Variants in CRHR2 observed in about 807,000 individuals in gnomAD.
CRHR2 encodes the protein corticotropin-releasing hormone receptor 2.
In CRHR2, 53 loss-of-function variants were observed where a neutral mutation model predicts 57.9. The observed-to-expected ratio is 0.92, with a 90% CI of 0.73 to 1.15. The LOEUF is 1.15. Among genes scored for constraint, CRHR2 ranks in the 50% most tolerant of loss-of-function variants. The pLI, the probability that CRHR2 is intolerant of heterozygous loss-of-function variation, is 0.00. For missense variants in CRHR2, 532 were observed against 542.6 expected (o/e 0.98, Z 0.19); for synonymous variants, 213 against 220.9 (o/e 0.96, Z 0.32).
rs1203679698 is a variant in CRHR2 at position 30,671,826 on chromosome 7, A to ATGG, written c.230-4514_230-4513insCCA. ...TGTGATGATGATGATGATGATGATG[A>ATGG]TGATGATGATGATGATAATGATGAT... On this transcript the variant is annotated intron_variant, in intron 2 of 11. Transcript: ENST00000471646. 5.4e-4 allele frequency among the ~76,000 whole-genome samples: 81 copies of ATGG among 149,038 alleles called. 1 individual carries two copies. The South Asian group carries it at 0.013, about 25-fold the overall frequency.
chr7:30,657,731 A>G (rs921549680), intron 8 of CRHR2, among the ~76,000 whole-genome samples: 1 of 152,110 alleles, frequency 6.6e-6, no homozygotes, highest in East Asian at 1.9e-4. Context: ...CCTACCAACC[A>G]GTTCATTCAT....
At chr7:30,687,959 T>C (rs1396265095) in intron 2 of CRHR2, among the ~76,000 whole-genome samples, 1 of 152,184 alleles carries the variant, frequency 6.6e-6, no homozygotes, top group Non-Finnish European at 1.5e-5. Flanking sequence ...CTTAGATCCA[T>C]TGCTAAACAG....
rs2270006 is a variant in CRHR2, at chr7:30,660,131, G to A, written c.831+442C>T. 3.2e-3 allele frequency among the ~76,000 whole-genome samples: 492 copies of A among 152,356 alleles called. 17 individuals are homozygous for A. The East Asian group carries it at 0.067, about 21-fold the overall frequency. On this transcript the variant is annotated intron_variant, in intron 8 of 11. Transcript: ENST00000471646. ...ACAATTCCTCATTATGCTGCATCCC[G>A]GTATTCACCGCTTCAGGCTGGGGGT...
intron 2 of CRHR2, among the ~76,000 whole-genome samples, chr7:30,670,724 G>A (rs896746500): frequency 5.9e-5 from 9 of 152,210 alleles, no homozygotes; most frequent in African/African-American, 9.7e-5. Flanking sequence ...AAACGTAGAC[G>A]GATGGGCACA....
At chr7:30,676,377 G>T (rs545998132) in intron 2 of CRHR2, among the ~76,000 whole-genome samples, 4 of 152,164 alleles carry the variant, frequency 2.6e-5, no homozygotes, top group Non-Finnish European at 5.9e-5. Context: ...ATAGAGTCAG[G>T]GGGGATCAGG....
At chr7:30,699,998 G>A (rs574730265) in exon 1 of CRHR2, 11 of 1,457,240 alleles carry the variant, frequency 7.5e-6, no homozygotes, top group South Asian at 2.8e-5. Context: ...GGTGTGGGAC[G>A]TAGAGGAGGC....
At chr7:30,673,538 GA>G (rs1784429141) in intron 2 of CRHR2, among the ~76,000 whole-genome samples, 1 of 152,106 alleles carries the variant, frequency 6.6e-6, no homozygotes, top group African/African-American at 2.4e-5. Context: ...CTTTCTGTGG[GA>G]AAAACCTCTC....
chr7:30,694,676 C>T (rs114253382), intron 1 of CRHR2, among the ~76,000 whole-genome samples: 1 of 152,096 alleles, frequency 6.6e-6, no homozygotes, highest in African/African-American at 2.4e-5. Flanking sequence ...GGAGGGGCAG[C>T]ATTCCACCCC....
intron 11 of CRHR2, among the ~76,000 whole-genome samples, chr7:30,654,281 G>T (rs947797621): frequency 6.6e-6 from 1 of 152,152 alleles, no homozygotes; most frequent in Non-Finnish European, 1.5e-5. Context: ...TCCCTTGTTT[G>T]TTTGCCTTAC....
chr7:30,678,123 G>A (rs1372864200), intron 2 of CRHR2, among the ~76,000 whole-genome samples: 1 of 152,168 alleles, frequency 6.6e-6, no homozygotes, highest in Non-Finnish European at 1.5e-5. Flanking sequence ...TTCTTGGCTT[G>A]GGGCCCCAAA....
chr7:30,658,911 G>C (rs1227582094), intron 8 of CRHR2, among the ~76,000 whole-genome samples: 1 of 152,216 alleles, frequency 6.6e-6, no homozygotes, highest in Non-Finnish European at 1.5e-5. Context: ...GGGATGGCAG[G>C]AACACCAAAC....
chr7:30,677,451 C>A (rs909345755), intron 2 of CRHR2, among the ~76,000 whole-genome samples: 1 of 152,198 alleles, frequency 6.6e-6, no homozygotes, highest in Non-Finnish European at 1.5e-5. Flanking sequence ...TTTCGGCCTA[C>A]AGACAGGGAG....
At chr7:30,690,870 T>G (rs535579756) in intron 1 of CRHR2, among the ~76,000 whole-genome samples, 2 of 152,252 alleles carry the variant, frequency 1.3e-5, no homozygotes, top group African/African-American at 4.8e-5. Context: ...GAGAGGGAAA[T>G]GCAGGGGAGC....
Position 30,662,235 on chromosome 7 carries a change from TGG to T in CRHR2, c.698-21_698-20del. 1 of 1,613,980 alleles carries T rather than the reference TGG, an allele frequency of 6.2e-7. No homozygotes were observed. Among genetic ancestry groups the T allele is most frequent in the Non-Finnish European group, 8.5e-7 (1 of 1,179,916 alleles). On this transcript the variant is annotated intron_variant, in intron 6 of 11. Coordinates refer to ENST00000471646, the MANE Select transcript of CRHR2 (RefSeq NM_001883.5). ...GGGATGCCTGAAAGAAGGAAAGACT[TGG>T]GCTGCAGGGGACAGATGGACAGGGA...
rs771330185 is a variant in CRHR2 at position 30,656,178 on chromosome 7, C to T, written c.832-166G>A. Among the ~76,000 whole-genome samples, 34 of 151,954 alleles carry T rather than the reference C, an allele frequency of 2.2e-4. No individual in the cohort carries two copies. The highest frequency in any genetic ancestry group is 4.3e-4 in the Non-Finnish European group (29 of 67,960). On this transcript the variant is annotated intron_variant, in intron 8 of 11. Transcript: ENST00000471646. This position sits in a 1 kb window ranked among gnomAD's most constrained non-coding sequence, Gnocchi z 4.4. ...CTGCCAGCATCCCAAGGCCTGTGCTCCTCCCTCGCCAGGATGGGGAGACAG... is the reference window on the plus strand; with the variant it reads ...CTGCCAGCATCCCAAGGCCTGTGCTTCTCCCTCGCCAGGATGGGGAGACAG...
Position 30,654,938 on chromosome 7 carries a change from C to G in CRHR2, c.1095+101G>C, listed in dbSNP as rs1341758181. The G allele has an allele frequency of 6.4e-6, 10 of 1,560,408 alleles. No individual in the cohort carries two copies. The East Asian group carries it at 2.2e-4, about 34-fold the overall frequency. On this transcript the variant is annotated intron_variant, in intron 11 of 11. Coordinates refer to ENST00000471646, the MANE Select transcript of CRHR2 (RefSeq NM_001883.5). ...GGGTGGTATCTCAAGGCTTCCTCTC[C>G]CTGGCACTCCAGCAAGGCCGGGCAG...
At chr7:30,699,896 C>A (rs1457435952) in intron 1 of CRHR2, 2 of 1,443,138 alleles carry the variant, frequency 1.4e-6, no homozygotes, top group African/African-American at 1.5e-5. Context: ...GCTGGGAGCT[C>A]CGTGCTCCTG....
upstream of CRHR2, among the ~76,000 whole-genome samples, chr7:30,685,412 G>A (rs936556886): frequency 6.6e-6 from 1 of 152,194 alleles, no homozygotes; most frequent in African/African-American, 2.4e-5. Flanking sequence ...CTAAGGGACT[G>A]TCCTTGGTTA....
intron 2 of CRHR2, among the ~76,000 whole-genome samples, chr7:30,677,492 C>T (rs544764381): frequency 1.2e-4 from 18 of 152,194 alleles, no homozygotes; most frequent in Non-Finnish European, 7.3e-5. Context: ...AGACTTGCCC[C>T]AATTAAATTG....
Sources: allele counts gnomAD v4.1 joint callset (sites outside exome capture counted in the v4.1 genomes callset), GRCh38; gene constraint gnomAD v4.1.1; non-coding constraint Gnocchi (gnomAD v3.1); transcripts MANE v1.5; gene names NCBI Gene and HGNC (gene_info 2026-07-23, HGNC 2026-07-21).